Variants in PNLIP observed in about 807,000 individuals in gnomAD.
The protein encoded by PNLIP is pancreatic triacylglycerol lipase.
A neutral mutation model predicts 57.1 loss-of-function variants in PNLIP; 49 were observed. That is an observed-to-expected ratio of 0.86 (90% CI 0.68 to 1.09). The LOEUF is 1.09. Among genes scored for constraint, PNLIP ranks in the 50% least tolerant of loss-of-function variants. PNLIP has a pLI of 0.00. For synonymous variants in PNLIP, 209 were observed against 200.4 expected (o/e 1.04, Z -0.36); for missense variants, 503 against 570.2 (o/e 0.88, Z 1.20).
intron 4 of PNLIP, among the ~76,000 whole-genome samples, chr10:116,549,971 C>A (rs1177258119): frequency 6.7e-6 from 1 of 150,278 alleles, no homozygotes; most frequent in African/African-American, 2.5e-5. Flanking sequence ...ATTAGCAAAT[C>A]TTTTCCCTGC....
chr10:116,555,095 C>A (rs1224346946), intron 6 of PNLIP, 83 bp from the exon 7 acceptor site: 16 of 1,481,290 alleles, frequency 1.1e-5, no homozygotes, highest in Non-Finnish European at 1.2e-5. Flanking sequence ...CCGTTCATCC[C>A]TTTCCATGCA....
At position 116,555,369 on chromosome 10, in the gene PNLIP, T is replaced by A. The variant is rs746840327; in HGVS notation, c.692-19T>A. On this transcript the variant is annotated intron_variant, in intron 7 of 12. Transcript: ENST00000369221. ...CTATATACATTAGCATAAACCCTCA[T>A]GTATTTTTATGATTTCAGGGTTTGG... The A allele has an allele frequency of 6.2e-7, 1 of 1,614,048 alleles. No homozygotes were observed. Among genetic ancestry groups the A allele is most frequent in the Non-Finnish European group, 8.5e-7 (1 of 1,180,038 alleles).
chr10:116,551,206 G>A lies in PNLIP; in HGVS notation c.433G>A (p.Val145Met). ...SQNIRIVGAEVAYFVEFLQSA... is the reference protein window; with the variant it reads ...SQNIRIVGAEMAYFVEFLQSA... The stretch of plus-strand genomic sequence containing the variant: ...GAACATCAGGATCGTGGGAGCAGAA[G>A]TGGCATATTTTGTTGAATTTCTTCA... Residue 145 changes from valine (V) to methionine (M), a missense_variant, in exon 5 of 13, where the codon GTG (valine) becomes ATG (methionine). Coordinates refer to ENST00000369221, the MANE Select transcript of PNLIP (RefSeq NM_000936.4). 6.2e-7 allele frequency: 1 copy of A among 1,609,774 alleles called. No individual in the cohort carries two copies. The highest frequency in any genetic ancestry group is 8.5e-7 in the Non-Finnish European group (1 of 1,178,476).
At position 116,547,404 on chromosome 10, in the gene PNLIP, A is replaced by C. The variant is rs1242341926; in HGVS notation, c.157A>C (p.Thr53Pro). 6.2e-7 allele frequency: 1 copy of C among 1,614,016 alleles called. No homozygotes were observed. Among genetic ancestry groups the C allele is most frequent in the Admixed American group, 1.7e-5 (1 of 59,998 alleles). The change falls in exon 3 of 13, where the codon ACC becomes CCC. Residue 53 changes from threonine (T) to proline (P), a missense_variant. Thr to Pro is a conservative substitution (Grantham distance 38). Transcript: ENST00000369221. Reference protein sequence around the residue: ...ILPWSPKDVNTRFLLYTNENP... With the variant: ...ILPWSPKDVNPRFLLYTNENP... ...GCCTTGGTCTCCAAAAGATGTCAACACCCGCTTCCTCCTATATACTAATGA... is the reference window on the plus strand; with the variant it reads ...GCCTTGGTCTCCAAAAGATGTCAACCCCCGCTTCCTCCTATATACTAATGA...
chr10:116,555,280 C>T lies in PNLIP; in HGVS notation c.674C>T (p.Pro225Leu), dbSNP rs781245524. Residue 225 changes from proline to leucine, a missense_variant, in exon 7 of 13, where the codon CCC becomes CTC. By Grantham distance (98) the Pro-to-Leu change is moderately conservative. Transcript: ENST00000369221. ...GATGTAATTCACACGGATGGTGCCC[C>T]CATAGTCCCCAATTTGGGTGAGTTC... is the stretch of plus-strand genomic sequence containing the variant. Reference protein sequence around the residue: ...FVDVIHTDGAPIVPNLGFGMS... With the variant: ...FVDVIHTDGALIVPNLGFGMS... 39 of 1,614,148 alleles carry T rather than the reference C, an allele frequency of 2.4e-5. No homozygotes were observed. The highest frequency in any genetic ancestry group is 3.3e-5 in the Non-Finnish European group (39 of 1,180,046).
chr10:116,560,313 A>T, intron 10 of PNLIP, 103 bp from the exon 11 acceptor site: 1 of 628,656 alleles, frequency 1.6e-6, no homozygotes, highest in East Asian at 2.8e-5. Flanking sequence ...ACACACAATT[A>T]TAAATAAATT....
chr10:116,554,405 G>A (rs1359393464), intron 6 of PNLIP, among the ~76,000 whole-genome samples: 2 of 152,184 alleles, frequency 1.3e-5, no homozygotes, highest in Admixed American at 1.3e-4. Context: ...CAGGGAAAAG[G>A]TGGTCAGGGT....
chr10:116,557,422 G>A (rs1847264345), intron 9 of PNLIP, among the ~76,000 whole-genome samples: 1 of 152,156 alleles, frequency 6.6e-6, no homozygotes, highest in Admixed American at 6.5e-5. Flanking sequence ...GGTGGTCGAT[G>A]TGTGTTCAGC....
intron 11 of PNLIP, 88 bp from the exon 12 acceptor site, chr10:116,561,384 T>A (rs372183795): frequency 1.1e-6 from 1 of 937,242 alleles, no homozygotes; most frequent in Non-Finnish European, 1.6e-6. Flanking sequence ...TGTATGTATA[T>A]ATGTACACAC....
chr10:116,559,372 AC>A, intron 10 of PNLIP, 89 bp downstream of exon 10: 1 of 1,034,968 alleles, frequency 9.7e-7, no homozygotes, highest in Non-Finnish European at 1.4e-6. Flanking sequence ...GCTTTTCTAT[AC>A]AAAAGCTTTA....
intron 12 of PNLIP, 74 bp downstream of exon 12, chr10:116,561,710 AT>A (rs1847317543): frequency 1.5e-6 from 2 of 1,345,122 alleles, no homozygotes; most frequent in South Asian, 1.4e-5. Flanking sequence ...TAAAAGTCTA[AT>A]TTAAGTGAAA....
chr10:116,557,980 C>T (rs550997089), intron 9 of PNLIP, among the ~76,000 whole-genome samples: 29 of 151,594 alleles, frequency 1.9e-4, no homozygotes, highest in African/African-American at 6.8e-4. Flanking sequence ...AAAAGCCGGG[C>T]GCGGTGGCTC....
At position 116,567,806 on chromosome 10, in the gene PNLIP, C is replaced by T. The variant is rs1205903027; in HGVS notation, c.*8C>T. On this transcript the variant is annotated 3_prime_UTR_variant, in exon 13 of 13. Coordinates refer to ENST00000369221, the MANE Select transcript of PNLIP (RefSeq NM_000936.4). ...ACCCTCACACCGTGTTAGGAGACTA[C>T]TGTTATTTGACCAATGAATTGACTT... The T allele has an allele frequency of 2.5e-6, 4 of 1,603,698 alleles. No individual in the cohort carries two copies. Among genetic ancestry groups the T allele is most frequent in the Non-Finnish European group, 3.4e-6 (4 of 1,170,586 alleles).
rs1847249019 is a variant in PNLIP at position 116,555,991 on chromosome 10, G to A, written c.812-9G>A. Reference sequence around the variant, plus strand: ...CTGTCCTTGATGTGTAATTGTGTCTGATTCAAAGGGACTCGAGACTTTGCG... The same window carrying A: ...CTGTCCTTGATGTGTAATTGTGTCTAATTCAAAGGGACTCGAGACTTTGCG... On this transcript the variant is annotated splice_polypyrimidine_tract_variant and intron_variant, in intron 8 of 12. Transcript: ENST00000369221. 11 of 1,529,114 alleles carry A rather than the reference G, an allele frequency of 7.2e-6. No individual in the cohort carries two copies. Among genetic ancestry groups the A allele is most frequent in the Non-Finnish European group, 1.0e-5 (11 of 1,102,826 alleles). 94.7% of individuals were successfully genotyped at this position (1,529,114 alleles called of 1,614,324 possible).
At chr10:116,548,824 T>G in intron 4 of PNLIP, among the ~76,000 whole-genome samples, 1 of 152,232 alleles carries the variant, frequency 6.6e-6, no homozygotes, top group Middle Eastern at 3.2e-3. Context: ...TTTAATTTTA[T>G]GTGAAGTGCT....
chr10:116,565,970 A>C (rs901389537), intron 12 of PNLIP, among the ~76,000 whole-genome samples: 1 of 152,026 alleles, frequency 6.6e-6, no homozygotes. Flanking sequence ...CACCCTGCCC[A>C]GCTAATTTTT....
intron 12 of PNLIP, among the ~76,000 whole-genome samples, chr10:116,566,584 G>T (rs1847369666): frequency 6.6e-6 from 1 of 152,098 alleles, no homozygotes; most frequent in Admixed American, 6.5e-5. Flanking sequence ...GCTCAATAAA[G>T]CTGTTAAAAC....
At chr10:116,549,474 G>A (rs772573154) in intron 4 of PNLIP, among the ~76,000 whole-genome samples, 6 of 151,320 alleles carry the variant, frequency 4.0e-5, no homozygotes, top group East Asian at 1.9e-4. Flanking sequence ...GCAAGATTCC[G>A]TCTCAAAAAA....
At chr10:116,552,822 C>G (rs1847209054) in intron 5 of PNLIP, among the ~76,000 whole-genome samples, 2 of 151,910 alleles carry the variant, frequency 1.3e-5, no homozygotes, top group Admixed American at 6.6e-5. Context: ...GGAGGTGGAG[C>G]TTGCAGTGAG....
Sources: gnomAD v4.1 joint callset for allele counts (sites outside exome capture counted in the v4.1 genomes callset) on GRCh38, gnomAD v4.1.1 for gene constraint, MANE v1.5 for transcripts, NCBI Gene and HGNC (gene_info 2026-07-23, HGNC 2026-07-21) for gene names.